CNTNAP5: variants seen among roughly 807,000 people sequenced by gnomAD.
CNTNAP5 encodes the protein contactin associated protein family member 5.
In CNTNAP5, 72 loss-of-function variants were observed where a neutral mutation model predicts 150.2. The ratio of observed to expected loss-of-function variants is 0.48; its 90% CI spans 0.40 to 0.58. The LOEUF (loss-of-function observed/expected upper bound fraction) is 0.58, where lower values mean the gene tolerates loss of function less well. Ranked by LOEUF, CNTNAP5 falls within the 20% of genes least tolerant of loss-of-function variation. The probability of loss-of-function intolerance (pLI) is 0.00; values close to 1 mark genes in which losing one functional copy is unlikely to be tolerated. For synonymous variants in CNTNAP5, 672 were observed against 619.8 expected (o/e 1.08, Z -1.25); for missense variants, 1,636 against 1,626.2 (o/e 1.01, Z -0.10).
intron 1 of CNTNAP5, among the ~76,000 whole-genome samples, chr2:124,056,572 G>A (rs1261615435): frequency 6.6e-6 from 1 of 152,172 alleles, no homozygotes; most frequent in Non-Finnish European, 1.5e-5. Context: ...TGTGAACATG[G>A]GAGGCGGAGC....
chr2:124,350,648 G>C (rs1395325263), intron 3 of CNTNAP5, among the ~76,000 whole-genome samples: 5 of 151,674 alleles, frequency 3.3e-5, no homozygotes, highest in Admixed American at 6.6e-5. Flanking sequence ...TTTAAGAATA[G>C]AAGGTATAAA....
chr2:124,040,009 G>T (rs1681323714), intron 1 of CNTNAP5, among the ~76,000 whole-genome samples: 1 of 152,050 alleles, frequency 6.6e-6, no homozygotes, highest in Non-Finnish European at 1.5e-5. Context: ...ATTGACTTAG[G>T]TGTCACCTTT....
intron 7 of CNTNAP5, among the ~76,000 whole-genome samples, chr2:124,485,612 C>CAAAAAAAAAAAAAAAAAAAAAA (rs576700912): frequency 1.9e-5 from 1 of 52,396 alleles, no homozygotes; most frequent in African/African-American, 8.5e-5. Flanking sequence ...GACTCTGTCT[C>CAAAAAAAAAAAAAAAAAAAAAA]AAAAAAAAAA....
At chr2:124,724,980 T>G (rs1330752803) in intron 13 of CNTNAP5, among the ~76,000 whole-genome samples, 1 of 144,102 alleles carries the variant, frequency 6.9e-6, no homozygotes, top group African/African-American at 2.5e-5. Context: ...CTCTAAGAAA[T>G]TCTTCCCCAT....
At chr2:124,721,766 C>T (rs1449601468) in intron 13 of CNTNAP5, among the ~76,000 whole-genome samples, 2 of 152,116 alleles carry the variant, frequency 1.3e-5, no homozygotes, top group African/African-American at 2.4e-5. Context: ...GAATCCTAAA[C>T]AGTACTGATT....
chr2:124,637,844 G>A (rs1394146), intron 12 of CNTNAP5, among the ~76,000 whole-genome samples: 61,271 of 151,622 alleles, frequency 0.4, 14,477 homozygotes, highest in Non-Finnish European at 0.54. Flanking sequence ...TTTTTTACAT[G>A]TGTCTATTAA....
intron 11 of CNTNAP5, among the ~76,000 whole-genome samples, chr2:124,587,334 A>G (rs1696560171): frequency 6.6e-6 from 1 of 152,182 alleles, no homozygotes. Flanking sequence ...ACAATGACAG[A>G]TGCATTTAAG....
At chr2:124,516,414 A>G (rs1275655440) in intron 8 of CNTNAP5, among the ~76,000 whole-genome samples, 3 of 152,180 alleles carry the variant, frequency 2.0e-5, no homozygotes, top group African/African-American at 7.2e-5. Context: ...GGGAAGATAA[A>G]GCCTAGAAAC....
chr2:124,708,698 C>T (rs1384191177), intron 13 of CNTNAP5, among the ~76,000 whole-genome samples: 1 of 152,098 alleles, frequency 6.6e-6, no homozygotes, highest in Non-Finnish European at 1.5e-5. Context: ...CTTGCTACTA[C>T]CTTTATCCTA....
intron 3 of CNTNAP5, among the ~76,000 whole-genome samples, chr2:124,359,497 A>G (rs1214922800): frequency 2.6e-5 from 4 of 151,182 alleles, no homozygotes; most frequent in Non-Finnish European, 5.9e-5. Context: ...AGATTCTGGT[A>G]TGTTGTGTCT....
chr2:124,547,423 C>G lies in CNTNAP5; in HGVS notation c.1650-15794C>G, dbSNP rs142719041. On this transcript the variant is annotated intron_variant, in intron 10 of 23. Transcript: ENST00000682447. ...GATTGTTCATTTTGGGAATTCTTTCCCGGGATAGAACTTAAATTGAGCTTA... is the reference window on the plus strand; with the variant it reads ...GATTGTTCATTTTGGGAATTCTTTCGCGGGATAGAACTTAAATTGAGCTTA... 2.8e-3 allele frequency among the ~76,000 whole-genome samples: 421 copies of G among 152,220 alleles called. 3 individuals carry two copies. Among genetic ancestry groups the G allele is most frequent in the African/African-American group, 9.4e-3 (391 of 41,532 alleles).
chr2:124,905,114 T>G (rs13392875), intron 22 of CNTNAP5, among the ~76,000 whole-genome samples: 1 of 117,860 alleles, frequency 8.5e-6, no homozygotes, highest in African/African-American at 3.2e-5. Flanking sequence ...TAGTTTTTTT[T>G]TGTTTTTTTT....
At chr2:124,670,802 G>A (rs1678808714) in intron 13 of CNTNAP5, among the ~76,000 whole-genome samples, 1 of 152,098 alleles carries the variant, frequency 6.6e-6, no homozygotes, top group Non-Finnish European at 1.5e-5. Context: ...TTCTTAGCAA[G>A]CTTTATTTCT....
chr2:124,706,763 A>AGAAGAAGAAGAAGAG (rs1187896079), intron 13 of CNTNAP5, among the ~76,000 whole-genome samples: 45 of 32,948 alleles, frequency 1.4e-3, no homozygotes, highest in Admixed American at 2.6e-3. Context: ...AAGAAGAAGA[A>AGAAGAAGAAGAAGAG]GAAGAAGAAG....
chr2:124,262,868 C>G (rs1026353174), intron 3 of CNTNAP5, among the ~76,000 whole-genome samples: 5 of 146,072 alleles, frequency 3.4e-5, no homozygotes, highest in Admixed American at 2.9e-4. Context: ...TCTCATTGTT[C>G]AATTCCCACC....
At chr2:124,501,953 A>G (rs1694288485) in intron 7 of CNTNAP5, among the ~76,000 whole-genome samples, 1 of 152,142 alleles carries the variant, frequency 6.6e-6, no homozygotes, top group Non-Finnish European at 1.5e-5. Flanking sequence ...AGATAGCTGG[A>G]GTGGCTTCAC....
intron 3 of CNTNAP5, among the ~76,000 whole-genome samples, chr2:124,303,646 AG>A (rs1339933115): frequency 1.3e-5 from 2 of 152,230 alleles, no homozygotes; most frequent in Admixed American, 6.5e-5. Context: ...AGAGTAAAAA[AG>A]GTTTAAAAGA....
At chr2:124,840,707 A>T (rs775523927) in intron 19 of CNTNAP5, among the ~76,000 whole-genome samples, 38 of 152,116 alleles carry the variant, frequency 2.5e-4, no homozygotes, top group Non-Finnish European at 7.4e-5. Context: ...GTGAAAACAG[A>T]CCAAAGTTAT....
chr2:124,653,591 C>T (rs888095632), intron 13 of CNTNAP5, among the ~76,000 whole-genome samples: 1 of 150,952 alleles, frequency 6.6e-6, no homozygotes, highest in Non-Finnish European at 1.5e-5. Context: ...TGCAATATTC[C>T]CCTTCACATG....
Sources: gnomAD v4.1 joint callset for allele counts (sites outside exome capture counted in the v4.1 genomes callset) on GRCh38, gnomAD v4.1.1 for gene constraint, MANE v1.5 for transcripts, NCBI Gene and HGNC (gene_info 2026-07-23, HGNC 2026-07-21) for gene names.